ABCG2: variants seen among roughly 807,000 people sequenced by gnomAD.
ABCG2 encodes the protein ATP binding cassette subfamily G member 2 (JR blood group).
In ABCG2, 80 loss-of-function variants were observed where a neutral mutation model predicts 73.5. The ratio of observed to expected loss-of-function variants is 1.09; its 90% CI spans 0.91 to 1.31. ABCG2 has a LOEUF of 1.31. ABCG2 is among the 50% of genes most tolerant of loss of function. ABCG2 has a pLI of 0.00. For missense variants in ABCG2, 796 were observed against 786.2 expected (o/e 1.01, Z -0.15); for synonymous variants, 269 against 282.4 (o/e 0.95, Z 0.48).
chr4:88,196,147 T>C (rs887066388), intron 1 of ABCG2, among the ~76,000 whole-genome samples: 4 of 152,186 alleles, frequency 2.6e-5, no homozygotes, highest in Admixed American at 6.5e-5. Flanking sequence ...GGGACACTCC[T>C]GCCCCGCACA....
intron 1 of ABCG2, among the ~76,000 whole-genome samples, chr4:88,213,982 C>CAT (rs1729703273): frequency 1.7e-5 from 1 of 59,622 alleles, no homozygotes; most frequent in Non-Finnish European, 3.0e-5. Context: ...CACGCCCGGC[C>CAT]TTTTTTTTTT....
chr4:88,193,992 ACCTCGG>A (rs1728815751), intron 1 of ABCG2, among the ~76,000 whole-genome samples: 1 of 152,060 alleles, frequency 6.6e-6, no homozygotes, highest in African/African-American at 2.4e-5. Context: ...TGATCTGCCC[ACCTCGG>A]CCTCCCAACC....
chr4:88,152,697 T>C (rs188590197), intron 1 of ABCG2, among the ~76,000 whole-genome samples: 6,951 of 152,222 alleles, frequency 0.046, 193 homozygotes, highest in Middle Eastern at 0.068. Context: ...ACAGGGGATA[T>C]GATGGCTTAG....
At chr4:88,176,892 C>T (rs1031437754) in intron 1 of ABCG2, among the ~76,000 whole-genome samples, 3 of 151,966 alleles carry the variant, frequency 2.0e-5, no homozygotes, top group African/African-American at 7.3e-5. Context: ...TAGTATTTCT[C>T]TATGAGCCAT....
intron 10 of ABCG2, among the ~76,000 whole-genome samples, chr4:88,104,468 A>G (rs1722641541): frequency 6.6e-6 from 1 of 152,196 alleles, no homozygotes. Flanking sequence ...ACTTTAACAT[A>G]GTCCAAATGC....
chr4:88,172,583 A>AG lies in ABCG2; in HGVS notation c.-19-32570_-19-32569insC, dbSNP rs1727799427. On this transcript the variant is annotated intron_variant, in intron 1 of 15. Coordinates refer to the ABCG2 transcript ENST00000515655. Reference sequence around the variant, plus strand: ...ACAGAGCAAGACTCTGTCTCAGGGAAAAAAAAAAAAATTAATTAATTAATT... The same window carrying AG: ...ACAGAGCAAGACTCTGTCTCAGGGAAGAAAAAAAAAAATTAATTAATTAATT... 4.7e-5 allele frequency among the ~76,000 whole-genome samples: 7 copies of AG among 149,058 alleles called. No individual in the cohort carries two copies. In the South Asian group the frequency reaches 1.5e-3, roughly 32 times the overall value.
chr4:88,185,697 C>T (rs1325228031), intron 1 of ABCG2, among the ~76,000 whole-genome samples: 1 of 152,106 alleles, frequency 6.6e-6, no homozygotes, highest in Non-Finnish European at 1.5e-5. Context: ...GCCAAAATAT[C>T]TGAACAGACA....
intron 1 of ABCG2, among the ~76,000 whole-genome samples, chr4:88,205,490 A>G (rs1390432400): frequency 6.6e-6 from 1 of 152,138 alleles, no homozygotes. Flanking sequence ...TATAATATAA[A>G]TGACCCATAG....
At chr4:88,138,853 T>TAAAAAAA (rs201189471) in intron 2 of ABCG2, among the ~76,000 whole-genome samples, 1 of 150,736 alleles carries the variant, frequency 6.6e-6, no homozygotes, top group Non-Finnish European at 1.5e-5. Context: ...CATTTGACCA[T>TAAAAAAA]AAAAAAAAAT....
intron 2 of ABCG2, among the ~76,000 whole-genome samples, chr4:88,139,090 G>A (rs891656443): frequency 3.3e-5 from 5 of 150,968 alleles, no homozygotes; most frequent in Non-Finnish European, 5.9e-5. Flanking sequence ...GCAGTGAGCC[G>A]AGATTGTGCT....
chr4:88,131,966 T>C (rs746026133), intron 3 of ABCG2, 49 bp from the exon 4 acceptor site: 3 of 1,412,732 alleles, frequency 2.1e-6, no homozygotes, highest in South Asian at 1.2e-5. Context: ...TAAGAGAATA[T>C]ATATGTTGTG....
rs190629776 is a variant in ABCG2, at chr4:88,131,274, C to G, written c.379-61G>C. 2.0e-6 allele frequency: 3 copies of G among 1,530,828 alleles called. No individual in the cohort carries two copies. The African/African-American group carries it at 4.1e-5, about 21-fold the overall frequency. The allele number at this position is 1,530,828 out of a possible 1,614,324, so 94.8% of individuals were successfully genotyped here. A position where few individuals can be genotyped will look rare whatever the true frequency, so the allele number is the denominator to read the frequency against. ...TAATGAGTCTTTTCTAAGACCATGACTGTTTAGTATACATAACATAATCCA... is the reference window on the plus strand; with the variant it reads ...TAATGAGTCTTTTCTAAGACCATGAGTGTTTAGTATACATAACATAATCCA... On this transcript the variant is annotated intron_variant, in intron 4 of 15. Transcript: ENST00000237612.
intron 1 of ABCG2, among the ~76,000 whole-genome samples, chr4:88,221,131 T>A (rs1729996958): frequency 6.6e-6 from 1 of 152,062 alleles, no homozygotes; most frequent in Non-Finnish European, 1.5e-5. Flanking sequence ...TAGACAGGTG[T>A]GTTAGTGTGG....
intron 1 of ABCG2, among the ~76,000 whole-genome samples, chr4:88,167,164 C>T (rs891544242): frequency 5.3e-5 from 8 of 151,906 alleles, no homozygotes; most frequent in Admixed American, 3.3e-4. Context: ...GCTGGACACT[C>T]TTCTCTAAAG....
At chr4:88,132,787 A>G (rs556061573) in intron 2 of ABCG2, 152 bp from the exon 3 acceptor site, 3 of 854,664 alleles carry the variant, frequency 3.5e-6, no homozygotes, top group Non-Finnish European at 5.5e-6. Flanking sequence ...AACAAACAAA[A>G]CAGGTCATGC....
chr4:88,092,777 T>C (rs966213402), intron 15 of ABCG2, among the ~76,000 whole-genome samples: 2 of 152,242 alleles, frequency 1.3e-5, no homozygotes, highest in Non-Finnish European at 2.9e-5. Flanking sequence ...ATAGTTCCCT[T>C]ATCCCTGATA....
intron 1 of ABCG2, among the ~76,000 whole-genome samples, chr4:88,184,648 G>A (rs996261236): frequency 2.0e-5 from 3 of 152,026 alleles, no homozygotes; most frequent in Admixed American, 1.3e-4. Context: ...CAGATTCAAT[G>A]CAATCCCCAT....
chr4:88,191,377 G>A (rs1424024090), intron 1 of ABCG2, among the ~76,000 whole-genome samples: 2 of 151,756 alleles, frequency 1.3e-5, no homozygotes, highest in African/African-American at 4.8e-5. Context: ...TAGCCATTAG[G>A]TAAATACAAA....
At chr4:88,100,155 G>T (rs1722292530) in intron 11 of ABCG2, among the ~76,000 whole-genome samples, 1 of 149,996 alleles carries the variant, frequency 6.7e-6, no homozygotes, top group South Asian at 2.1e-4. Flanking sequence ...TACCCAGCCT[G>T]GGAAACATAG....
Sources: allele counts gnomAD v4.1 joint callset (sites outside exome capture counted in the v4.1 genomes callset), GRCh38; gene constraint gnomAD v4.1.1; transcripts MANE v1.5; gene names NCBI Gene and HGNC (gene_info 2026-07-23, HGNC 2026-07-21).